The following SLIT2 variants were observed in gnomAD, a reference collection of about 807,000 sequenced individuals.
SLIT2 encodes the protein slit homolog 2 protein.
A neutral mutation model predicts 185.7 loss-of-function variants in SLIT2; 41 were observed. The ratio of observed to expected loss-of-function variants is 0.22; its 90% CI spans 0.17 to 0.29. The LOEUF (loss-of-function observed/expected upper bound fraction) is 0.29, where lower values mean the gene tolerates loss of function less well. Among genes scored for constraint, SLIT2 ranks in the 10% least tolerant of loss-of-function variants. The probability of loss-of-function intolerance (pLI) is 1.00; values close to 1 mark genes in which losing one functional copy is unlikely to be tolerated. For synonymous variants in SLIT2, 693 were observed against 680.2 expected (o/e 1.02, Z -0.29); for missense variants, 1,571 against 1,909.0 (o/e 0.82, Z 3.30).
At chr4:20,531,324 A>T (rs1170714951) in intron 16 of SLIT2, among the ~76,000 whole-genome samples, 3 of 152,250 alleles carry the variant, frequency 2.0e-5, no homozygotes, top group Non-Finnish European at 4.4e-5. Flanking sequence ...CATATGCTAC[A>T]ACAGGAATAA....
At chr4:20,415,132 C>A (rs892471919) in intron 4 of SLIT2, among the ~76,000 whole-genome samples, 4 of 152,188 alleles carry the variant, frequency 2.6e-5, no homozygotes, top group African/African-American at 9.6e-5. Context: ...TTTATACTGG[C>A]TGTGCGCGGT....
chr4:20,387,603 A>G (rs1725032290), intron 4 of SLIT2, among the ~76,000 whole-genome samples: 1 of 152,150 alleles, frequency 6.6e-6, no homozygotes, highest in African/African-American at 2.4e-5. Flanking sequence ...AATACTAGGT[A>G]CAGCAGCAAA....
At chr4:20,570,398 A>T (rs566586690) in intron 29 of SLIT2, among the ~76,000 whole-genome samples, 1 of 152,092 alleles carries the variant, frequency 6.6e-6, no homozygotes, top group Admixed American at 6.6e-5. Flanking sequence ...TGATTTTCAC[A>T]CTAATATTAC....
At chr4:20,514,684 C>G (rs779594596) in intron 11 of SLIT2, among the ~76,000 whole-genome samples, 4 of 148,806 alleles carry the variant, frequency 2.7e-5, no homozygotes, top group Non-Finnish European at 4.5e-5. Context: ...TATTAGATCA[C>G]CAAATTTCAT....
intron 4 of SLIT2, among the ~76,000 whole-genome samples, chr4:20,409,355 G>C (rs1727021061): frequency 6.6e-6 from 1 of 152,130 alleles, no homozygotes; most frequent in Non-Finnish European, 1.5e-5. Flanking sequence ...AGTTTGCTGA[G>C]GATAATGGCT....
chr4:20,395,389 T>G (rs1203361897), intron 4 of SLIT2, among the ~76,000 whole-genome samples: 1 of 151,962 alleles, frequency 6.6e-6, no homozygotes, highest in Admixed American at 6.6e-5. Context: ...TGCTGAAGGT[T>G]CAAATGCATA....
intron 16 of SLIT2, among the ~76,000 whole-genome samples, chr4:20,531,020 C>T (rs1721759370): frequency 6.6e-6 from 1 of 151,690 alleles, no homozygotes; most frequent in Non-Finnish European, 1.5e-5. Context: ...AATTGAAACC[C>T]TCATACATTG....
intron 4 of SLIT2, among the ~76,000 whole-genome samples, chr4:20,280,004 T>C (rs944478501): frequency 3.9e-5 from 6 of 152,022 alleles, no homozygotes; most frequent in African/African-American, 1.2e-4. Flanking sequence ...GGATGATATA[T>C]GTTGAGGTGT....
chr4:20,557,003 G>A (rs1724317075), intron 26 of SLIT2, among the ~76,000 whole-genome samples: 1 of 152,102 alleles, frequency 6.6e-6, no homozygotes, highest in South Asian at 2.1e-4. Context: ...CTAAAGCAAG[G>A]CCCCAACTCT....
chr4:20,310,991 C>T (rs1718056396), intron 4 of SLIT2, among the ~76,000 whole-genome samples: 1 of 152,124 alleles, frequency 6.6e-6, no homozygotes, highest in African/African-American at 2.4e-5. Context: ...CTCAAGTGAT[C>T]CTCCTGCCTC....
At chr4:20,533,820 CCTCT>C in intron 18 of SLIT2, 105 bp downstream of exon 18, 1 of 880,860 alleles carries the variant, frequency 1.1e-6, no homozygotes, top group Non-Finnish European at 1.8e-6. Flanking sequence ...CACCCCACTC[CCTCT>C]ATCTCTTTCA....
intron 29 of SLIT2, among the ~76,000 whole-genome samples, chr4:20,570,489 A>G (rs1257603860): frequency 2.0e-5 from 3 of 151,860 alleles, no homozygotes; most frequent in Non-Finnish European, 4.4e-5. Context: ...GGGCTAATTT[A>G]GACTTCTCCA....
chr4:20,409,660 A>G (rs1457939541), intron 4 of SLIT2, among the ~76,000 whole-genome samples: 2 of 152,194 alleles, frequency 1.3e-5, no homozygotes, highest in Non-Finnish European at 2.9e-5. Flanking sequence ...GTGTTCCACA[A>G]TGGTTGAACT....
intron 4 of SLIT2, among the ~76,000 whole-genome samples, chr4:20,342,075 A>G (rs558072955): frequency 2.0e-5 from 3 of 152,304 alleles, no homozygotes; most frequent in African/African-American, 7.2e-5. Context: ...TTCAGTTGCT[A>G]GATTTCTTTG....
At chr4:20,543,365 T>C (rs949539634) in intron 21 of SLIT2, among the ~76,000 whole-genome samples, 1 of 152,168 alleles carries the variant, frequency 6.6e-6, no homozygotes, top group Admixed American at 6.5e-5. Context: ...AGAATGGAAT[T>C]CATTAGAGAA....
intron 4 of SLIT2, among the ~76,000 whole-genome samples, chr4:20,322,400 G>A (rs1422552303): frequency 6.6e-6 from 1 of 152,126 alleles, no homozygotes; most frequent in Non-Finnish European, 1.5e-5. Flanking sequence ...AACTCGAAGT[G>A]GGGAGGGGTC....
intron 4 of SLIT2, among the ~76,000 whole-genome samples, chr4:20,379,597 C>G (rs1724327779): frequency 6.6e-6 from 1 of 152,138 alleles, no homozygotes; most frequent in Non-Finnish European, 1.5e-5. Context: ...TTTACTGACA[C>G]AGACCTGCCT....
intron 4 of SLIT2, among the ~76,000 whole-genome samples, chr4:20,386,139 T>C (rs1240052712): frequency 6.6e-6 from 1 of 152,184 alleles, no homozygotes; most frequent in Non-Finnish European, 1.5e-5. Flanking sequence ...CATAAGAGAA[T>C]AATTTGGGCT....
Position 20,484,976 on chromosome 4 carries a change from C to T in SLIT2, c.540-1224C>T, listed in dbSNP as rs146208401. On this transcript the variant is annotated intron_variant, in intron 6 of 36. Coordinates refer to ENST00000504154, the MANE Select transcript of SLIT2 (RefSeq NM_004787.4). This position sits in a 1 kb window ranked among gnomAD's most constrained non-coding sequence, Gnocchi z 4.3. ...CGCTCATTTCTGTTCTCTGCTCAGGCCCTGCAGTGAACTTGCAACCCCTAA... is the reference window on the plus strand; with the variant it reads ...CGCTCATTTCTGTTCTCTGCTCAGGTCCTGCAGTGAACTTGCAACCCCTAA... Among the ~76,000 whole-genome samples the T allele has an allele frequency of 2.0e-5, 3 of 152,112 alleles. No homozygotes were observed. The highest frequency in any genetic ancestry group is 7.2e-5 in the African/African-American group (3 of 41,436).
Sources: allele counts gnomAD v4.1 joint callset (sites outside exome capture counted in the v4.1 genomes callset), GRCh38; gene constraint gnomAD v4.1.1; non-coding constraint Gnocchi (gnomAD v3.1); transcripts MANE v1.5; gene names NCBI Gene and HGNC (gene_info 2026-07-23, HGNC 2026-07-21).